AMD1: variants seen among roughly 807,000 people sequenced by gnomAD.
AMD1 encodes S-adenosylmethionine decarboxylase proenzyme.
A neutral mutation model predicts 40.2 loss-of-function variants in AMD1; 11 were observed. The ratio of observed to expected loss-of-function variants is 0.27; its 90% CI spans 0.17 to 0.45. The LOEUF (loss-of-function observed/expected upper bound fraction) is 0.45, where lower values mean the gene tolerates loss of function less well. AMD1 is among the 20% of genes least tolerant of loss of function. AMD1 has a pLI of 1.00. For synonymous variants in AMD1, 121 were observed against 130.8 expected (o/e 0.93, Z 0.51); for missense variants, 257 against 410.2 (o/e 0.63, Z 3.23).
chr6:110,865,341 T>C, the AMD1 span, among the ~76,000 whole-genome samples: 1 of 152,248 alleles, frequency 6.6e-6, no homozygotes, highest in Non-Finnish European at 1.5e-5. Context: ...AGTATGATAC[T>C]GATTCTTCAC....
the AMD1 span, among the ~76,000 whole-genome samples, chr6:110,862,477 T>G: frequency 6.6e-6 from 1 of 151,730 alleles, no homozygotes; most frequent in South Asian, 2.1e-4. Flanking sequence ...CTTATTTTTT[T>G]TTTTTTTGAG....
At chr6:110,838,393 A>C in the AMD1 span, among the ~76,000 whole-genome samples, 2 of 152,108 alleles carry the variant, frequency 1.3e-5, no homozygotes, top group Non-Finnish European at 2.9e-5. Context: ...TCTCAAAAAA[A>C]AAACCAAAAG....
At chr6:110,850,491 C>T in the AMD1 span, among the ~76,000 whole-genome samples, 3 of 152,164 alleles carry the variant, frequency 2.0e-5, no homozygotes, top group Non-Finnish European at 4.4e-5. Flanking sequence ...CTCCTGAAGA[C>T]CCACCCCAAC....
At chr6:110,856,287 T>C in the AMD1 span, 2 of 152,128 alleles carry the variant, frequency 1.3e-5, no homozygotes, top group Non-Finnish European at 2.9e-5. Flanking sequence ...TTTATGAGCA[T>C]GCATACATCA....
rs1583224413 is a variant in AMD1 at position 110,892,681 on chromosome 6, A to C, written c.616-54A>C. The C allele has an allele frequency of 1.1e-5, 17 of 1,591,102 alleles. No homozygotes were observed. In the East Asian group the frequency reaches 3.6e-4, roughly 34 times the overall value. Reference sequence around the variant, plus strand: ...CACCCTGGGACTAAATTTTGGACTCAATTGAAGTTTATTTGTCAAACCCTT... The same window carrying C: ...CACCCTGGGACTAAATTTTGGACTCCATTGAAGTTTATTTGTCAAACCCTT... On this transcript the variant is annotated intron_variant, in intron 6 of 8. Coordinates refer to ENST00000368885, the MANE Select transcript of AMD1 (RefSeq NM_001634.6).
the AMD1 span, among the ~76,000 whole-genome samples, chr6:110,825,628 A>C: frequency 1.3e-5 from 2 of 152,214 alleles, no homozygotes; most frequent in South Asian, 2.1e-4. Context: ...TACGCTTTCT[A>C]GTCTGCCAGT....
chr6:110,869,025 C>T, the AMD1 span, among the ~76,000 whole-genome samples: 4 of 151,048 alleles, frequency 2.6e-5, no homozygotes, highest in Non-Finnish European at 5.9e-5. Flanking sequence ...CGCCATTGCA[C>T]TCCAGCCTGG....
the AMD1 span, among the ~76,000 whole-genome samples, chr6:110,855,725 A>G: frequency 6.6e-6 from 1 of 152,172 alleles, no homozygotes; most frequent in South Asian, 2.1e-4. Context: ...GGACTTTTAA[A>G]AACTGTTCCA....
chr6:110,875,758 A>G (rs1583208847), intron 1 of AMD1: 1 of 151,838 alleles, frequency 6.6e-6, no homozygotes, highest in East Asian at 2.0e-4. Flanking sequence ...GGGCTGGCGA[A>G]GAGGCCTCCC....
rs79491194 is a variant in AMD1, at chr6:110,883,418, G to A, written c.111-4087G>A. 4.5e-4 allele frequency among the ~76,000 whole-genome samples: 69 copies of A among 152,288 alleles called. No homozygotes were observed. The East Asian group carries it at 8.7e-3, about 19-fold the overall frequency. On this transcript the variant is annotated intron_variant, in intron 1 of 8. Coordinates refer to ENST00000368885, the MANE Select transcript of AMD1 (RefSeq NM_001634.6). ...GGCAGGCAAAAATAGTTCCAAGAAA[G>A]GCTCTCTAGTTCTCCTCTGCAAAGA...
the AMD1 span, among the ~76,000 whole-genome samples, chr6:110,840,980 T>A: frequency 1.3e-5 from 2 of 152,210 alleles, no homozygotes; most frequent in African/African-American, 4.8e-5. Context: ...AATGTTTCCT[T>A]TTATTCCCTT....
At chr6:110,860,835 A>C in the AMD1 span, among the ~76,000 whole-genome samples, 1 of 109,496 alleles carries the variant, frequency 9.1e-6, no homozygotes. Flanking sequence ...ACACCCACCC[A>C]CACACACACA....
At chr6:110,893,370 C>CA in intron 8 of AMD1, 106 bp from the exon 9 acceptor site, 1 of 1,448,386 alleles carries the variant, frequency 6.9e-7, no homozygotes, top group Non-Finnish European at 9.4e-7. Context: ...TAAAATAACT[C>CA]AGATGTCTTA....
At chr6:110,882,604 G>A (rs1457992991) in intron 1 of AMD1, among the ~76,000 whole-genome samples, 4 of 151,684 alleles carry the variant, frequency 2.6e-5, no homozygotes, top group East Asian at 3.9e-4. Flanking sequence ...TTTTTCTTTC[G>A]TCTATTTTGC....
rs1021495125 is a variant in AMD1 at position 110,892,092 on chromosome 6, A to G, written c.428-69A>G. 7 of 1,515,400 alleles carry G rather than the reference A, an allele frequency of 4.6e-6. No individual in the cohort carries two copies. The African/African-American group carries it at 9.6e-5, about 21-fold the overall frequency. 93.9% of individuals were successfully genotyped at this position (1,515,400 alleles called of 1,614,324 possible). A position where few individuals can be genotyped will look rare whatever the true frequency, so the allele number is the denominator to read the frequency against. ...AATAGTATCATTCTGCTTATTGTGG[A>G]AGGGTAGTAACAAACCATCCTATTA... On this transcript the variant is annotated intron_variant, in intron 4 of 8. Coordinates refer to ENST00000368885, the MANE Select transcript of AMD1 (RefSeq NM_001634.6).
chr6:110,814,646 C>T, the AMD1 span: 1 of 491,134 alleles, frequency 2.0e-6, no homozygotes, highest in Non-Finnish European at 4.0e-6. Flanking sequence ...GCGGCAACTC[C>T]GCAGCGGAGC....
the AMD1 span, among the ~76,000 whole-genome samples, chr6:110,822,985 G>A: frequency 2.6e-5 from 4 of 151,870 alleles, no homozygotes; most frequent in Admixed American, 2.0e-4. Context: ...GCGTAGTGGC[G>A]CATGCCTGTA....
At chr6:110,870,758 A>G (rs1784901416), upstream of AMD1, among the ~76,000 whole-genome samples, 1 of 152,202 alleles carries the variant, frequency 6.6e-6, no homozygotes, top group Non-Finnish European at 1.5e-5. Flanking sequence ...AGCCAGCTTC[A>G]ATAATGAGAA....
At chr6:110,850,656 G>A in the AMD1 span, among the ~76,000 whole-genome samples, 331 of 152,316 alleles carry the variant, frequency 2.2e-3, no homozygotes, top group Middle Eastern at 6.8e-3. Context: ...TTGTGGGAAT[G>A]CATTGAAGTG....
Sources: gnomAD v4.1 joint callset for allele counts (sites outside exome capture counted in the v4.1 genomes callset) on GRCh38, gnomAD v4.1.1 for gene constraint, MANE v1.5 for transcripts, NCBI Gene and HGNC (gene_info 2026-07-23, HGNC 2026-07-21) for gene names.